Variants in ZNF761 observed in about 807,000 individuals in gnomAD.
ZNF761 encodes zinc finger protein 761.
Under a neutral mutation model 59.9 loss-of-function variants are expected in ZNF761, and 43 were observed. That is an observed-to-expected ratio of 0.72 (90% CI 0.56 to 0.92). The LOEUF (loss-of-function observed/expected upper bound fraction) is 0.92, where lower values mean the gene tolerates loss of function less well. Ranked by LOEUF, ZNF761 falls within the 40% of genes least tolerant of loss-of-function variation. The pLI is 0.00. For missense variants in ZNF761, 850 were observed against 906.1 expected (o/e 0.94, Z 0.79); for synonymous variants, 294 against 304.8 (o/e 0.96, Z 0.37).
At chr19:53,438,369 T>C (rs2617752) in intron 1 of ZNF761, among the ~76,000 whole-genome samples, 132,057 of 152,230 alleles carry the variant, frequency 0.87, 57,448 homozygotes, top group South Asian at 0.91. Flanking sequence ...CTTAACACCA[T>C]GGAGTCTAGT....
Position 53,447,924 on chromosome 19 carries a change from CTG to C in ZNF761, c.15+644_15+645del, listed in dbSNP as rs375617401. Among the ~76,000 whole-genome samples the C allele has an allele frequency of 9.2e-5, 14 of 152,252 alleles. No individual in the cohort carries two copies. In the South Asian group the frequency reaches 1.5e-3, roughly 16 times the overall value. ...TCTTAGCACATTACGCTCATGGAGA[CTG>C]TGGTGTTACCGTGGAGAGGCTTGTG... On this transcript the variant is annotated intron_variant, in intron 3 of 4. Coordinates refer to ENST00000684525, the MANE Select transcript of ZNF761 (RefSeq NM_001289951.2).
At chr19:53,449,102 C>G (rs2086191215) in intron 3 of ZNF761, among the ~76,000 whole-genome samples, 1 of 152,122 alleles carries the variant, frequency 6.6e-6, no homozygotes, top group South Asian at 2.1e-4. Context: ...GAGGCTGAGT[C>G]AGGCAGATCA....
chr19:53,442,087 A>G, intron 1 of ZNF761: 2 of 975,678 alleles, frequency 2.0e-6, no homozygotes, highest in Non-Finnish European at 3.2e-6. Flanking sequence ...CTGCCCTGCA[A>G]AAGCTGGAAG....
intron 4 of ZNF761, among the ~76,000 whole-genome samples, chr19:53,454,138 C>T (rs1437942876): frequency 6.6e-6 from 1 of 152,130 alleles, no homozygotes; most frequent in Non-Finnish European, 1.5e-5. Flanking sequence ...CGCCTGGCTA[C>T]ATTTTGTAAT....
Position 53,455,486 on chromosome 19 carries a change from A to G in ZNF761, c.979A>G (p.Lys327Glu). The change falls in exon 5 of 5, where the codon AAG becomes GAG. Residue 327 changes from lysine to glutamate, a missense_variant. Coordinates refer to ENST00000684525, the MANE Select transcript of ZNF761 (RefSeq NM_001289951.2). Reference protein sequence around the residue: ...RIIHTEEKPYKCNECGKTFRQ... With the variant: ...RIIHTEEKPYECNECGKTFRQ... ...AATTCATACTGAAGAGAAACCATAT[A>G]AGTGTAATGAGTGTGGCAAGACCTT... is the stretch of plus-strand genomic sequence containing the variant. 1.9e-6 allele frequency: 3 copies of G among 1,614,134 alleles called. No individual in the cohort carries two copies. The highest frequency in any genetic ancestry group is 1.1e-5 in the South Asian group (1 of 91,062).
chr19:53,433,890 G>A (rs1021035448), intron 1 of ZNF761, among the ~76,000 whole-genome samples: 1 of 152,128 alleles, frequency 6.6e-6, no homozygotes, highest in African/African-American at 2.4e-5. Context: ...GGACTGGAAC[G>A]TGGGCTAATT....
rs879648523 is a variant in ZNF761 at position 53,456,862 on chromosome 19, C to T, written c.*114C>T. 92 of 1,211,552 alleles carry T rather than the reference C, an allele frequency of 7.6e-5. No individual in the cohort carries two copies. Among genetic ancestry groups the T allele is most frequent in the Non-Finnish European group, 1.0e-4 (86 of 843,634 alleles). The allele number at this position is 1,211,552 out of a possible 1,614,324, so 75.1% of individuals were successfully genotyped here. ...TGTGATAAAGTTTACAGTGGCAAAT[C>T]AAGCCTCAGAAGACAGGAGAATTCA... On this transcript the variant is annotated 3_prime_UTR_variant, in exon 5 of 5. Transcript: ENST00000684525.
In ZNF761 at chr19:53,455,067, A is replaced by G. The variant is rs2086253645; in HGVS notation, c.560A>G (p.His187Arg). ...AGAATTTCTTGTAGGCCCAAAACCCATATATCTAATAACCATGGGAATAAT... is the reference window on the plus strand; with the variant it reads ...AGAATTTCTTGTAGGCCCAAAACCCGTATATCTAATAACCATGGGAATAAT... ...AQRISCRPKT[H>R]ISNNHGNNFW... is the part of the protein sequence containing the mutation. The change falls in exon 5 of 5, where the codon CAT (histidine) becomes CGT (arginine). Residue 187 changes from histidine to arginine, a missense_variant. Physicochemically the swap from His to Arg is conservative, Grantham distance 29. Coordinates refer to ENST00000684525, the MANE Select transcript of ZNF761 (RefSeq NM_001289951.2). 6.2e-7 allele frequency: 1 copy of G among 1,614,060 alleles called. No homozygotes were observed. The highest frequency in any genetic ancestry group is 1.3e-5 in the African/African-American group (1 of 74,932).
chr19:53,448,994 G>A lies in ZNF761; in HGVS notation c.16-518G>A, dbSNP rs140998274. 3.1e-3 allele frequency among the ~76,000 whole-genome samples: 467 copies of A among 152,084 alleles called. 5 individuals are homozygous for A. The highest frequency in any genetic ancestry group is 3.0e-3 in the Non-Finnish European group (205 of 68,006). ...GTTGTCATCTCTGAAGACATCACCC[G>A]TACTCTGTCTCATCTAGATACGGAA... On this transcript the variant is annotated intron_variant, in intron 3 of 4. Transcript: ENST00000684525.
At position 53,456,876 on chromosome 19, in the gene ZNF761, C is replaced by A; in HGVS notation, c.*128C>A. The A allele has an allele frequency of 9.5e-7, 1 of 1,048,548 alleles. No homozygotes were observed. Among genetic ancestry groups the A allele is most frequent in the Non-Finnish European group, 1.4e-6 (1 of 703,734 alleles). 65.0% of individuals were successfully genotyped at this position (1,048,548 alleles called of 1,614,324 possible). On this transcript the variant is annotated 3_prime_UTR_variant, in exon 5 of 5. Transcript: ENST00000684525. ...CAGTGGCAAATCAAGCCTCAGAAGA[C>A]AGGAGAATTCATACTGGAGAGAAAG... is the stretch of plus-strand genomic sequence containing the variant.
At chr19:53,448,272 G>T (rs745337562) in intron 3 of ZNF761, among the ~76,000 whole-genome samples, 7 of 152,168 alleles carry the variant, frequency 4.6e-5, no homozygotes, top group Non-Finnish European at 1.5e-5. Flanking sequence ...CAGAGTGCTG[G>T]GATTACAGGT....
At chr19:53,442,568 G>C (rs537376852) in intron 1 of ZNF761, 2 of 665,492 alleles carry the variant, frequency 3.0e-6, no homozygotes, top group Admixed American at 2.0e-5. Context: ...GTACACAAAG[G>C]ATGCTGGACC....
At chr19:53,444,600 CAG>C (rs1474775462) in intron 1 of ZNF761, 1 of 152,234 alleles carries the variant, frequency 6.6e-6, no homozygotes, top group African/African-American at 2.4e-5. Context: ...TGAGGGAACT[CAG>C]AGACCAGTGC....
chr19:53,438,520 GC>G (rs1236666129), intron 1 of ZNF761, among the ~76,000 whole-genome samples: 1 of 152,178 alleles, frequency 6.6e-6, no homozygotes, highest in Non-Finnish European at 1.5e-5. Context: ...CTGGGTTAAA[GC>G]TTCCTTGATC....
At chr19:53,449,917 C>G in intron 4 of ZNF761, 1 of 647,254 alleles carries the variant, frequency 1.5e-6, no homozygotes, top group Non-Finnish European at 2.5e-6. Context: ...ATCTTGATCT[C>G]CTGAGCTCAA....
At chr19:53,443,700 A>G (rs547954205) in intron 1 of ZNF761, 4 of 152,288 alleles carry the variant, frequency 2.6e-5, no homozygotes, top group African/African-American at 7.2e-5. Context: ...AGAACCATCA[A>G]GTCTAGGCAC....
In ZNF761 at chr19:53,458,083, A is replaced by G. The variant is rs1243077252; in HGVS notation, c.*1335A>G. ...TGGAAGTGTTTTAAAATTTTCTTTT[A>G]AAATTGTTTATTGTTAAAGTATGGA... On this transcript the variant is annotated 3_prime_UTR_variant, in exon 5 of 5. Transcript: ENST00000684525. 6.6e-6 allele frequency: 1 copy of G among 152,352 alleles called. No homozygotes were observed. Among genetic ancestry groups the G allele is most frequent in the East Asian group, 1.9e-4 (1 of 5,204 alleles). 9.4% of individuals were successfully genotyped at this position (152,352 alleles called of 1,614,324 possible). A position where few individuals can be genotyped will look rare whatever the true frequency, so the allele number is the denominator to read the frequency against.
chr19:53,445,749 C>CA (rs1414053060), intron 1 of ZNF761, among the ~76,000 whole-genome samples: 1 of 152,076 alleles, frequency 6.6e-6, no homozygotes, highest in Admixed American at 6.6e-5. Context: ...GACTCAGACA[C>CA]AGAGACCATC....
intron 1 of ZNF761, among the ~76,000 whole-genome samples, chr19:53,434,430 C>T (rs1005607238): frequency 6.6e-5 from 10 of 152,220 alleles, no homozygotes; most frequent in African/African-American, 2.2e-4. Flanking sequence ...AGGCCTGTGG[C>T]CCACAGATCC....
Sources: allele counts gnomAD v4.1 joint callset (sites outside exome capture counted in the v4.1 genomes callset), GRCh38; gene constraint gnomAD v4.1.1; transcripts MANE v1.5; gene names NCBI Gene and HGNC (gene_info 2026-07-23, HGNC 2026-07-21).